Variants in FAM135A observed in about 807,000 individuals in gnomAD.
The protein encoded by FAM135A is protein FAM135A.
FAM135A carries 79 observed loss-of-function variants against 146.8 expected under a neutral mutation model. The observed-to-expected ratio is 0.54, with a 90% CI of 0.45 to 0.65. The LOEUF (loss-of-function observed/expected upper bound fraction) is 0.65. FAM135A is among the 30% of genes least tolerant of loss of function. The pLI, the probability that FAM135A is intolerant of heterozygous loss-of-function variation, is 0.00. For synonymous variants in FAM135A, 562 were observed against 603.6 expected (o/e 0.93, Z 1.01); for missense variants, 1,623 against 1,758.2 (o/e 0.92, Z 1.38).
chr6:70,475,386 A>G, intron 5 of FAM135A, 24 bp from the exon 6 acceptor site: 2 of 1,532,136 alleles, frequency 1.3e-6, no homozygotes, highest in Non-Finnish European at 1.8e-6. Flanking sequence ...TTTATCTGTC[A>G]ATTACATATC....
At chr6:70,477,502 C>T (rs1190502265) in intron 8 of FAM135A, among the ~76,000 whole-genome samples, 170 bp downstream of exon 8, 1 of 152,084 alleles carries the variant, frequency 6.6e-6, no homozygotes, top group African/African-American at 2.4e-5. Flanking sequence ...CCTCAGGAAA[C>T]TTATAATCAT....
chr6:70,464,806 A>G (rs140636878), intron 5 of FAM135A, among the ~76,000 whole-genome samples: 6,271 of 127,264 alleles, frequency 0.049, 474 homozygotes, highest in African/African-American at 0.17. Context: ...AGCTGGGATT[A>G]TAGGCATGCA....
intron 1 of FAM135A, chr6:70,413,927 C>G: frequency 1.0e-6 from 1 of 985,374 alleles, no homozygotes; most frequent in Non-Finnish European, 1.2e-6. Context: ...CGAGGGGCCG[C>G]GGCGCGCTGC....
chr6:70,501,436 G>A (rs1467949668), intron 11 of FAM135A, among the ~76,000 whole-genome samples: 1 of 152,198 alleles, frequency 6.6e-6, no homozygotes, highest in Non-Finnish European at 1.5e-5. Flanking sequence ...GGGCTCCGTG[G>A]GAGAGGGACC....
intron 5 of FAM135A, among the ~76,000 whole-genome samples, chr6:70,457,679 T>C (rs55990831): frequency 0.13 from 19,799 of 152,180 alleles, 1,529 homozygotes; most frequent in Middle Eastern, 0.19. Flanking sequence ...CTTCATCAAC[T>C]AAATACTGGT....
intron 20 of FAM135A, among the ~76,000 whole-genome samples, chr6:70,552,353 A>G (rs752975795): frequency 3.9e-5 from 6 of 152,076 alleles, no homozygotes; most frequent in Non-Finnish European, 8.8e-5. Flanking sequence ...ATGCAAAAAA[A>G]TGAGGCATGC....
In FAM135A at chr6:70,559,945, G is replaced by A. The variant is rs1414951551; in HGVS notation, c.*24G>A. ...AGTATAAAAGCATTGTTAGCGACTG[G>A]ACAATTACCTCATTCAACAATGTTT... On this transcript the variant is annotated 3_prime_UTR_variant, in exon 22 of 22. Coordinates refer to ENST00000418814, the MANE Select transcript of FAM135A (RefSeq NM_001162529.3). 6.5e-7 allele frequency: 1 copy of A among 1,540,780 alleles called. No individual in the cohort carries two copies. The highest frequency in any genetic ancestry group is 1.7e-5 in the Admixed American group (1 of 57,890).
intron 2 of FAM135A, among the ~76,000 whole-genome samples, chr6:70,421,647 G>A (rs1050270709): frequency 6.6e-6 from 1 of 152,070 alleles, no homozygotes; most frequent in Non-Finnish European, 1.5e-5. Context: ...AGCTTTTTTG[G>A]ATTGGTGTTT....
At chr6:70,457,792 G>A (rs1238498383) in intron 5 of FAM135A, among the ~76,000 whole-genome samples, 1 of 152,080 alleles carries the variant, frequency 6.6e-6, no homozygotes, top group Non-Finnish European at 1.5e-5. Context: ...TATTTACAAA[G>A]TAATGTTATT....
At chr6:70,534,545 C>T (rs1796462753) in intron 18 of FAM135A, among the ~76,000 whole-genome samples, 1 of 151,908 alleles carries the variant, frequency 6.6e-6, no homozygotes, top group African/African-American at 2.4e-5. Flanking sequence ...CTCCTGAGCT[C>T]AAGTGATCCT....
At chr6:70,446,518 T>C (rs1775792579) in intron 4 of FAM135A, among the ~76,000 whole-genome samples, 1 of 152,254 alleles carries the variant, frequency 6.6e-6, no homozygotes, top group African/African-American at 2.4e-5. Context: ...AATGCAATCT[T>C]TCTAAACAAG....
intron 11 of FAM135A, among the ~76,000 whole-genome samples, chr6:70,497,776 T>G (rs1787627043): frequency 1.3e-5 from 2 of 152,200 alleles, no homozygotes; most frequent in South Asian, 4.1e-4. Flanking sequence ...TGGATTACAT[T>G]TATTGATTTG....
chr6:70,477,995 A>G (rs187772467), intron 8 of FAM135A, among the ~76,000 whole-genome samples: 3 of 152,278 alleles, frequency 2.0e-5, no homozygotes, highest in Non-Finnish European at 4.4e-5. Context: ...TGCAATGTTA[A>G]ACTATAATTA....
At chr6:70,532,382 AATT>A (rs1795998914) in intron 16 of FAM135A, among the ~76,000 whole-genome samples, 1 of 150,930 alleles carries the variant, frequency 6.6e-6, no homozygotes, top group Admixed American at 6.6e-5. Flanking sequence ...CTTTTGAGTT[AATT>A]ATTATTAAAA....
intron 16 of FAM135A, among the ~76,000 whole-genome samples, chr6:70,528,764 A>G (rs1795222786): frequency 6.6e-6 from 1 of 151,810 alleles, no homozygotes. Context: ...GGTTTGTTAC[A>G]TAGGTATACA....
intron 5 of FAM135A, among the ~76,000 whole-genome samples, chr6:70,457,953 A>G (rs1335479853): frequency 1.3e-5 from 2 of 152,104 alleles, no homozygotes; most frequent in Non-Finnish European, 2.9e-5. Flanking sequence ...TCAGTTGCAT[A>G]TAATAGACTA....
At chr6:70,488,465 GC>G (rs35342937) in intron 10 of FAM135A, among the ~76,000 whole-genome samples, 110,275 of 146,110 alleles carry the variant, frequency 0.75, 41,634 homozygotes, top group Middle Eastern at 0.88. Flanking sequence ...TAAGAGCCAA[GC>G]CCCCCCCCCC....
intron 18 of FAM135A, 90 bp from the exon 19 acceptor site, chr6:70,536,170 G>A (rs1027114148): frequency 4.1e-6 from 5 of 1,220,374 alleles, no homozygotes; most frequent in Non-Finnish European, 5.6e-6. Context: ...CAAATTGTTA[G>A]TATTCACATC....
chr6:70,447,324 A>G (rs184402610), intron 4 of FAM135A, among the ~76,000 whole-genome samples: 74 of 152,296 alleles, frequency 4.9e-4, no homozygotes, highest in Non-Finnish European at 6.8e-4. Flanking sequence ...GAGCTGTGCT[A>G]TTCGCTCTCC....
Sources: allele counts gnomAD v4.1 joint callset (sites outside exome capture counted in the v4.1 genomes callset), GRCh38; gene constraint gnomAD v4.1.1; transcripts MANE v1.5; gene names NCBI Gene and HGNC (gene_info 2026-07-23, HGNC 2026-07-21).